CCDC144A: variants seen among roughly 807,000 people sequenced by gnomAD.
CCDC144A encodes coiled-coil domain-containing protein 144A.
In CCDC144A, 41 loss-of-function variants were observed where a neutral mutation model predicts 143.8. The ratio of observed to expected loss-of-function variants is 0.29; its 90% CI spans 0.22 to 0.37. The LOEUF (loss-of-function observed/expected upper bound fraction) is 0.37. Among genes scored for constraint, CCDC144A ranks in the 10% least tolerant of loss-of-function variants. The pLI is 1.00. For synonymous variants in CCDC144A, 242 were observed against 517.9 expected (o/e 0.47, Z 7.23); for missense variants, 637 against 1,488.8 (o/e 0.43, Z 9.41).
intron 2 of CCDC144A, among the ~76,000 whole-genome samples, chr17:16,696,546 A>G (rs1259879840): frequency 6.6e-6 from 1 of 150,556 alleles, no homozygotes; most frequent in Non-Finnish European, 1.5e-5. Flanking sequence ...AGGCAGGAGA[A>G]TCACTTGAAC....
chr17:16,751,561 A>G (rs1914793186), intron 12 of CCDC144A, among the ~76,000 whole-genome samples: 1 of 152,208 alleles, frequency 6.6e-6, no homozygotes, highest in African/African-American at 2.4e-5. Context: ...AGCCCCCTCC[A>G]ATCACTGGTG....
At chr17:16,713,750 A>T (rs566333750) in intron 6 of CCDC144A, among the ~76,000 whole-genome samples, 166 of 152,318 alleles carry the variant, frequency 1.1e-3, no homozygotes, top group African/African-American at 3.9e-3. Context: ...GATATGATTT[A>T]AAAAAACTTT....
At position 16,708,165 on chromosome 17, in the gene CCDC144A, A is replaced by T. The variant is rs2543876; in HGVS notation, c.738+623A>T. ...TAAGAATTATCTTTAAAGTTTTAGT[A>T]AGTGTTATTAGGGGACCATAGTATA... is the stretch of plus-strand genomic sequence containing the variant. On this transcript the variant is annotated intron_variant, in intron 4 of 16. Coordinates refer to ENST00000399273, the MANE Select transcript of CCDC144A (RefSeq NM_001382000.1). Among the ~76,000 whole-genome samples the T allele has an allele frequency of 3.8e-3, 575 of 152,272 alleles. 6 individuals carry two copies. Among genetic ancestry groups the T allele is most frequent in the African/African-American group, 0.013 (547 of 41,536 alleles).
upstream of CCDC144A, among the ~76,000 whole-genome samples, chr17:16,687,185 T>G (rs1436747071): frequency 6.6e-6 from 1 of 152,158 alleles, no homozygotes; most frequent in African/African-American, 2.4e-5. Context: ...CATTTAAAAT[T>G]CTTTGGTTGT....
At chr17:16,772,920 G>A (rs1597601037) in intron 16 of CCDC144A, among the ~76,000 whole-genome samples, 1 of 152,190 alleles carries the variant, frequency 6.6e-6, no homozygotes, top group East Asian at 1.9e-4. Flanking sequence ...TAACTCCAGG[G>A]CATAGTCTAG....
At chr17:16,737,230 G>T (rs1313437126) in intron 12 of CCDC144A, among the ~76,000 whole-genome samples, 1 of 147,296 alleles carries the variant, frequency 6.8e-6, no homozygotes, top group Admixed American at 6.7e-5. Context: ...GCAGTGGCGG[G>T]ATCTCGGCTC....
the CCDC144A span, among the ~76,000 whole-genome samples, chr17:16,674,767 G>A: frequency 2.6e-5 from 4 of 151,764 alleles, no homozygotes; most frequent in East Asian, 5.8e-4. Context: ...ATAAATATAT[G>A]GTATGAAAAC....
intron 12 of CCDC144A, among the ~76,000 whole-genome samples, chr17:16,753,574 T>C (rs1330052065): frequency 6.5e-4 from 98 of 151,804 alleles, no homozygotes; most frequent in Admixed American, 2.2e-3. Flanking sequence ...ATTATTAGTG[T>C]ATAGAAATGT....
intron 12 of CCDC144A, among the ~76,000 whole-genome samples, chr17:16,750,359 G>A (rs1355030513): frequency 4.0e-5 from 6 of 150,660 alleles, no homozygotes; most frequent in Non-Finnish European, 8.8e-5. Context: ...TTAGATTGGA[G>A]TGGTATGAAG....
chr17:16,709,940 A>G (rs1332628440), intron 5 of CCDC144A: 2 of 319,234 alleles, frequency 6.3e-6, no homozygotes, highest in African/African-American at 4.4e-5. Flanking sequence ...GCTAAAGGAA[A>G]TGTGATGAGC....
chr17:16,673,666 G>A, the CCDC144A span, among the ~76,000 whole-genome samples: 8 of 151,406 alleles, frequency 5.3e-5, no homozygotes, highest in African/African-American at 1.9e-4. Context: ...GATTACAGGC[G>A]TGAGCCACCA....
intron 7 of CCDC144A, 73 bp downstream of exon 7, chr17:16,720,304 A>G: frequency 6.6e-7 from 1 of 1,511,900 alleles, no homozygotes; most frequent in Non-Finnish European, 8.8e-7. Flanking sequence ...AATGAAAAAA[A>G]TAAGATGTTT....
chr17:16,725,721 A>G (rs573346931), intron 8 of CCDC144A, among the ~76,000 whole-genome samples: 7 of 146,726 alleles, frequency 4.8e-5, no homozygotes, highest in African/African-American at 1.5e-4. Flanking sequence ...AGAAACCACC[A>G]CTAAAGAACT....
intron 6 of CCDC144A, 108 bp from the exon 7 acceptor site, chr17:16,720,090 G>A (rs570790536): frequency 7.0e-5 from 94 of 1,341,040 alleles, no homozygotes; most frequent in Non-Finnish European, 9.1e-5. Context: ...TTGATGAATA[G>A]AAGTAACACA....
intron 5 of CCDC144A, among the ~76,000 whole-genome samples, 194 bp from the exon 6 acceptor site, chr17:16,711,485 T>C (rs1263646202): frequency 1.3e-5 from 2 of 152,006 alleles, no homozygotes; most frequent in African/African-American, 4.8e-5. Flanking sequence ...ATGTTGATGA[T>C]AAAATTATAA....
intron 2 of CCDC144A, among the ~76,000 whole-genome samples, chr17:16,694,804 A>G (rs1911302300): frequency 6.6e-6 from 1 of 152,056 alleles, no homozygotes; most frequent in African/African-American, 2.4e-5. Flanking sequence ...TTAGAACAAG[A>G]TGTGTTTTTC....
chr17:16,673,820 A>G, the CCDC144A span, among the ~76,000 whole-genome samples: 3 of 152,156 alleles, frequency 2.0e-5, no homozygotes, highest in Non-Finnish European at 4.4e-5. Context: ...TGCCATGACC[A>G]CCACATTTTG....
intron 8 of CCDC144A, among the ~76,000 whole-genome samples, chr17:16,724,466 C>T (rs1429057099): frequency 4.0e-5 from 6 of 150,598 alleles, no homozygotes; most frequent in South Asian, 2.1e-4. Context: ...GCCGAGATCC[C>T]GCCACTGCAC....
chr17:16,704,848 G>T (rs1911952522), intron 2 of CCDC144A, among the ~76,000 whole-genome samples: 2 of 152,066 alleles, frequency 1.3e-5, no homozygotes, highest in African/African-American at 4.8e-5. Flanking sequence ...TGTTTTAAAA[G>T]ATTTATATCC....
Sources: allele counts gnomAD v4.1 joint callset (sites outside exome capture counted in the v4.1 genomes callset), GRCh38; gene constraint gnomAD v4.1.1; transcripts MANE v1.5; gene names NCBI Gene and HGNC (gene_info 2026-07-23, HGNC 2026-07-21).